RASSF9: variants seen among roughly 807,000 people sequenced by gnomAD.
RASSF9 encodes the protein Ras association domain family member 9, also known as ras association domain-containing protein 9.
In RASSF9, 18 loss-of-function variants were observed where a neutral mutation model predicts 21.4. The ratio of observed to expected loss-of-function variants is 0.84; its 90% CI spans 0.58 to 1.25. RASSF9 has a LOEUF of 1.25. Among genes scored for constraint, RASSF9 ranks in the 50% most tolerant of loss-of-function variants. The pLI is 0.00. For missense variants in RASSF9, 480 were observed against 503.2 expected, an observed-to-expected ratio of 0.95 and a Z score of 0.44; for synonymous variants, 183 against 179.1, an observed-to-expected ratio of 1.02 and a Z score of -0.18.
At chr12:85,830,342 A>G (rs1880423560) in intron 1 of RASSF9, among the ~76,000 whole-genome samples, 1 of 152,124 alleles carries the variant, frequency 6.6e-6, no homozygotes, top group South Asian at 2.1e-4. Flanking sequence ...TGGGCCTAGG[A>G]GCAAGGAAGA....
intron 1 of RASSF9, among the ~76,000 whole-genome samples, chr12:85,807,698 A>G (rs1488943112): frequency 6.6e-6 from 1 of 152,120 alleles, no homozygotes; most frequent in Non-Finnish European, 1.5e-5. Context: ...TGGGCTTGAT[A>G]GTACTTTTCT....
rs772745750 is a variant in RASSF9, at chr12:85,805,351, A to G, written c.659T>C (p.Leu220Pro). 1.1e-5 allele frequency: 18 copies of G among 1,613,508 alleles called. No individual in the cohort carries two copies. In the South Asian group the frequency reaches 1.9e-4, roughly 17 times the overall value. ...EIEKCEAKFH[L>P]DRVENDGENY... The stretch of plus-strand genomic sequence containing the variant: ...TTCTCCATCATTTTCTACTCGATCA[A>G]GATGGAACTTAGCTTCACACTTTTC... The change falls in exon 2 of 2, where the codon CTT becomes CCT. Residue 220 changes from leucine (L) to proline (P), a missense_variant. Coordinates refer to ENST00000361228, the MANE Select transcript of RASSF9 (RefSeq NM_005447.4).
At chr12:85,834,427 C>T (rs1184141275) in intron 1 of RASSF9, among the ~76,000 whole-genome samples, 1 of 152,026 alleles carries the variant, frequency 6.6e-6, no homozygotes, top group African/African-American at 2.4e-5. Flanking sequence ...TTTGCATACT[C>T]ACCTCCTCGA....
chr12:85,811,354 T>C (rs1472984740), intron 1 of RASSF9, among the ~76,000 whole-genome samples: 2 of 151,836 alleles, frequency 1.3e-5, no homozygotes, highest in East Asian at 1.9e-4. Context: ...CTAGATACTC[T>C]GGAAGGGAGT....
intron 1 of RASSF9, among the ~76,000 whole-genome samples, chr12:85,819,360 A>C (rs1004489852): frequency 6.6e-6 from 1 of 152,150 alleles, no homozygotes; most frequent in African/African-American, 2.4e-5. Flanking sequence ...TCTTGATTAT[A>C]CTACAATGTT....
intron 1 of RASSF9, among the ~76,000 whole-genome samples, chr12:85,826,844 CACA>C (rs1880345714): frequency 1.3e-5 from 2 of 152,004 alleles, no homozygotes; most frequent in African/African-American, 4.8e-5. Flanking sequence ...TGGTTCCCAC[CACA>C]ATATAAAGAA....
intron 1 of RASSF9, among the ~76,000 whole-genome samples, chr12:85,812,944 A>T (rs1382769034): frequency 2.0e-5 from 3 of 151,760 alleles, no homozygotes; most frequent in Non-Finnish European, 4.4e-5. Context: ...ACCAAATAAG[A>T]GGCGTTTTAA....
intron 1 of RASSF9, among the ~76,000 whole-genome samples, chr12:85,808,540 T>A (rs17345975): frequency 0.36 from 54,302 of 151,886 alleles, 10,330 homozygotes; most frequent in African/African-American, 0.43. Flanking sequence ...TTAGTAGAGA[T>A]ATAAGACACA....
At position 85,809,393 on chromosome 12, in the gene RASSF9, T is replaced by A. The variant is rs563991398; in HGVS notation, c.48-3431A>T. Among the ~76,000 whole-genome samples the A allele has an allele frequency of 2.0e-5, 3 of 152,192 alleles. No homozygotes were observed. In the East Asian group the frequency reaches 5.8e-4, roughly 29 times the overall value. On this transcript the variant is annotated intron_variant, in intron 1 of 1. Coordinates refer to ENST00000361228, the MANE Select transcript of RASSF9 (RefSeq NM_005447.4). ...AAGAACTTTTTCCACTAGGCAGCCATAAAGAAATGTGTGCAGAAATTGTTC... is the reference window on the plus strand; with the variant it reads ...AAGAACTTTTTCCACTAGGCAGCCAAAAAGAAATGTGTGCAGAAATTGTTC...
intron 1 of RASSF9, among the ~76,000 whole-genome samples, chr12:85,828,963 T>C (rs1439856649): frequency 6.6e-6 from 1 of 152,160 alleles, no homozygotes; most frequent in Non-Finnish European, 1.5e-5. Context: ...CAAGATCTTA[T>C]GTACAGAGCT....
intron 1 of RASSF9, among the ~76,000 whole-genome samples, chr12:85,825,783 T>TAC (rs112920213): frequency 0.031 from 4,604 of 147,136 alleles, 75 homozygotes; most frequent in East Asian, 0.1. Context: ...ATGTGATCTT[T>TAC]ACACACACAC....
At chr12:85,830,065 A>G (rs993207836) in intron 1 of RASSF9, among the ~76,000 whole-genome samples, 37 of 152,258 alleles carry the variant, frequency 2.4e-4, no homozygotes, top group African/African-American at 8.7e-4. Context: ...GAACATTCCT[A>G]TAACTGTGTT....
chr12:85,813,466 T>C (rs1879995200), intron 1 of RASSF9, among the ~76,000 whole-genome samples: 1 of 151,948 alleles, frequency 6.6e-6, no homozygotes. Flanking sequence ...ATCTTGAAGT[T>C]TTAAGATAAA....
Position 85,801,674 on chromosome 12 carries a change from G to A in RASSF9, c.*3028C>T, listed in dbSNP as rs1879706313. The stretch of plus-strand genomic sequence containing the variant: ...AAAAAAATACAAAAAAATTAGCCTG[G>A]CGTGGTGGCGGGCGCCTGTAGTCCC... On this transcript the variant is annotated 3_prime_UTR_variant, in exon 2 of 2. Transcript: ENST00000361228. The A allele has an allele frequency of 6.6e-6, 1 of 152,364 alleles. No homozygotes were observed. The highest frequency in any genetic ancestry group is 2.1e-4 in the South Asian group (1 of 4,830). The allele number at this position is 152,364 out of a possible 1,614,324, so 9.4% of individuals were successfully genotyped here. A position where few individuals can be genotyped will look rare whatever the true frequency, so the allele number is the denominator to read the frequency against.
chr12:85,811,833 T>G (rs1293272440), intron 1 of RASSF9, among the ~76,000 whole-genome samples: 1 of 151,796 alleles, frequency 6.6e-6, no homozygotes, highest in African/African-American at 2.4e-5. Context: ...GGAAAAACAA[T>G]GAACAAATAA....
At chr12:85,822,131 G>A (rs182197791) in intron 1 of RASSF9, among the ~76,000 whole-genome samples, 10 of 152,284 alleles carry the variant, frequency 6.6e-5, no homozygotes, top group African/African-American at 2.2e-4. Flanking sequence ...GATAACTATC[G>A]TTATTTCAGC....
At chr12:85,835,920 T>C (rs74691089) in intron 1 of RASSF9, among the ~76,000 whole-genome samples, 4,587 of 152,234 alleles carry the variant, frequency 0.03, 254 homozygotes, top group African/African-American at 0.1. Flanking sequence ...CTCTTTATTC[T>C]CTGCGATCCT....
intron 1 of RASSF9, among the ~76,000 whole-genome samples, chr12:85,824,138 T>G (rs1004189707): frequency 3.3e-5 from 5 of 152,192 alleles, no homozygotes; most frequent in African/African-American, 1.2e-4. Flanking sequence ...ATTTTCATTT[T>G]CATAACTTAC....
chr12:85,824,580 A>G (rs913055181), intron 1 of RASSF9, among the ~76,000 whole-genome samples: 1 of 152,110 alleles, frequency 6.6e-6, no homozygotes, highest in South Asian at 2.1e-4. Context: ...TCTTTAAACT[A>G]TTTCTAAGTC....
Sources: allele counts gnomAD v4.1 joint callset (sites outside exome capture counted in the v4.1 genomes callset), GRCh38; gene constraint gnomAD v4.1.1; transcripts MANE v1.5; gene names NCBI Gene and HGNC (gene_info 2026-07-23, HGNC 2026-07-21).